PPP2CB: variants seen among roughly 807,000 people sequenced by gnomAD.
The protein encoded by PPP2CB is protein phosphatase 2 catalytic subunit beta.
A neutral mutation model predicts 39.1 loss-of-function variants in PPP2CB; 18 were observed. That is an observed-to-expected ratio of 0.46 (90% confidence interval 0.32 to 0.68). PPP2CB has a LOEUF of 0.68. PPP2CB is among the 30% of genes least tolerant of loss of function. The pLI is 0.04. For missense variants in PPP2CB, 226 were observed against 396.9 expected, an observed-to-expected ratio of 0.57 and a Z score of 3.66; for synonymous variants, 129 against 133.8, an observed-to-expected ratio of 0.96 and a Z score of 0.25.
At chr8:30,802,979 C>A (rs752261349) in intron 1 of PPP2CB, among the ~76,000 whole-genome samples, 27 of 152,110 alleles carry the variant, frequency 1.8e-4, no homozygotes, top group Non-Finnish European at 3.5e-4. Flanking sequence ...CTTAGCAACA[C>A]GCAGAAACTT....
chr8:30,791,890 A>G (rs558987524), intron 5 of PPP2CB, among the ~76,000 whole-genome samples: 5 of 151,430 alleles, frequency 3.3e-5, no homozygotes, highest in African/African-American at 1.2e-4. Flanking sequence ...ATATATGTAT[A>G]CATGTGTATA....
Position 30,812,463 on chromosome 8 carries a change from C to A in PPP2CB, c.-42G>T. 7.2e-7 allele frequency: 1 copy of A among 1,397,580 alleles called. No homozygotes were observed. Among genetic ancestry groups the A allele is most frequent in the Non-Finnish European group, 9.5e-7 (1 of 1,053,204 alleles). The allele number at this position is 1,397,580 out of a possible 1,614,324, so 86.6% of individuals were successfully genotyped here. On this transcript the variant is annotated 5_prime_UTR_variant, in exon 1 of 7. Coordinates refer to ENST00000221138, the MANE Select transcript of PPP2CB (RefSeq NM_001009552.2). ...TGCGGATCCCGAGCCCCAGCCCGGC[C>A]GCCGCCCTCCCCCCTCCCCACCCGC...
intron 1 of PPP2CB, among the ~76,000 whole-genome samples, chr8:30,807,969 C>A (rs781390249): frequency 6.6e-6 from 1 of 152,216 alleles, no homozygotes. Flanking sequence ...GGAAGCCAGA[C>A]ACACCATACC....
chr8:30,803,655 G>A (rs1363296406), intron 1 of PPP2CB, among the ~76,000 whole-genome samples: 2 of 151,918 alleles, frequency 1.3e-5, no homozygotes, highest in African/African-American at 2.4e-5. Flanking sequence ...TCTCATGTGC[G>A]CTTAAAGTTT....
rs1337010499 is a variant in PPP2CB, at chr8:30,812,780, G to C, written c.-359C>G. 2.1e-6 allele frequency: 1 copy of C among 466,206 alleles called. No individual in the cohort carries two copies. Among genetic ancestry groups the C allele is most frequent in the Non-Finnish European group, 4.3e-6 (1 of 233,346 alleles). 28.9% of individuals were successfully genotyped at this position (466,206 alleles called of 1,614,324 possible). ...CGCTGCCGCTTCAGGCCCGCCTCAC[G>C]CCTACCGGCCTCTCCCGACTTGTCT... On this transcript the variant is annotated 5_prime_UTR_variant, in exon 1 of 7. Coordinates refer to ENST00000221138, the MANE Select transcript of PPP2CB (RefSeq NM_001009552.2).
chr8:30,790,866 G>A (rs1586120886), intron 6 of PPP2CB: 1 of 211,866 alleles, frequency 4.7e-6, no homozygotes, highest in East Asian at 1.5e-4. Flanking sequence ...CCAGCGTAGA[G>A]CGCCTGTAGT....
intron 1 of PPP2CB, among the ~76,000 whole-genome samples, chr8:30,800,440 TTG>T (rs1304990687): frequency 3.3e-5 from 5 of 152,258 alleles, no homozygotes; most frequent in Non-Finnish European, 7.3e-5. Flanking sequence ...ATGCAAATTC[TTG>T]TGTGAACAAA....
intron 3 of PPP2CB, among the ~76,000 whole-genome samples, chr8:30,794,912 T>C (rs1163306709): frequency 6.6e-6 from 1 of 152,230 alleles, no homozygotes; most frequent in Non-Finnish European, 1.5e-5. Context: ...TTTGCAAAAC[T>C]ATTTTTGTTT....
chr8:30,794,102 G>A, intron 4 of PPP2CB, 24 bp from the exon 5 acceptor site: 1 of 1,602,366 alleles, frequency 6.2e-7, no homozygotes, highest in Non-Finnish European at 8.5e-7. Flanking sequence ...ATAAGTACAT[G>A]TTACAAATTA....
rs1181606472 is a variant in PPP2CB at position 30,812,483 on chromosome 8, ACCCGCC to A, written c.-68_-63del. 9.1e-6 allele frequency: 8 copies of A among 876,934 alleles called. No homozygotes were observed. The highest frequency in any genetic ancestry group is 3.9e-5 in the Admixed American group (1 of 25,678). 54.3% of individuals were successfully genotyped at this position (876,934 alleles called of 1,614,324 possible). ...CCGGCCGCCGCCCTCCCCCCTCCCCACCCGCCCCCGGCCCCGGCCCGGGCGCCGCTC... is the reference window on the plus strand; with the variant it reads ...CCGGCCGCCGCCCTCCCCCCTCCCCACCCGGCCCCGGCCCGGGCGCCGCTC... On this transcript the variant is annotated 5_prime_UTR_variant, in exon 1 of 7. Transcript: ENST00000221138.
At chr8:30,793,856 C>A in intron 5 of PPP2CB, 61 bp downstream of exon 5, 3 of 1,477,600 alleles carry the variant, frequency 2.0e-6, no homozygotes, top group South Asian at 1.4e-5. Context: ...AGTCATAATG[C>A]CTTATTACAG....
rs146351837 is a variant in PPP2CB, at chr8:30,803,300, T to C, written c.103-3545A>G. ...GCTCACACCTGTAATCCCAGCACTT[T>C]TGGAGGCCGAGGCAGAAGGATCACT... On this transcript the variant is annotated intron_variant, in intron 1 of 6. Transcript: ENST00000221138. Among the ~76,000 whole-genome samples, 1,305 of 152,104 alleles carry C rather than the reference T, an allele frequency of 8.6e-3. 17 individuals carry two copies. The highest frequency in any genetic ancestry group is 0.03 in the African/African-American group (1,241 of 41,482).
intron 1 of PPP2CB, among the ~76,000 whole-genome samples, chr8:30,808,922 CTTTTTTT>C (rs34287210): frequency 2.6e-5 from 3 of 116,768 alleles, no homozygotes; most frequent in East Asian, 2.2e-4. Flanking sequence ...TTTACATGGC[CTTTTTTT>C]TTTTTTTTTT....
At chr8:30,804,410 A>C (rs994328349) in intron 1 of PPP2CB, among the ~76,000 whole-genome samples, 2 of 152,150 alleles carry the variant, frequency 1.3e-5, no homozygotes, top group African/African-American at 4.8e-5. Flanking sequence ...GACCATTAAC[A>C]ATGTGACTCA....
At chr8:30,798,008 T>C (rs548970503) in intron 2 of PPP2CB, among the ~76,000 whole-genome samples, 12 of 152,342 alleles carry the variant, frequency 7.9e-5, no homozygotes, top group South Asian at 6.2e-4. Flanking sequence ...CTAATACTTA[T>C]ATTACTATAA....
intron 6 of PPP2CB, among the ~76,000 whole-genome samples, chr8:30,790,048 T>C (rs1181012554): frequency 2.0e-5 from 3 of 152,250 alleles, no homozygotes; most frequent in East Asian, 1.9e-4. Flanking sequence ...CCCATTCGAA[T>C]TGGATTTAGG....
intron 1 of PPP2CB, among the ~76,000 whole-genome samples, chr8:30,805,145 CTT>C (rs1032705940): frequency 2.0e-5 from 3 of 152,228 alleles, no homozygotes; most frequent in African/African-American, 7.2e-5. Flanking sequence ...ACAAGCGCCT[CTT>C]TTGCTACTCA....
At chr8:30,787,872 T>C (rs1806369650) in intron 6 of PPP2CB, among the ~76,000 whole-genome samples, 1 of 152,236 alleles carries the variant, frequency 6.6e-6, no homozygotes, top group African/African-American at 2.4e-5. Flanking sequence ...TGGCTCAATA[T>C]TTTCACATTT....
intron 6 of PPP2CB, among the ~76,000 whole-genome samples, chr8:30,789,814 T>A (rs1025841461): frequency 1.3e-5 from 2 of 152,180 alleles, no homozygotes; most frequent in Non-Finnish European, 2.9e-5. Flanking sequence ...ACTGTATAGC[T>A]TATACAACGG....
Sources: allele counts gnomAD v4.1 joint callset (sites outside exome capture counted in the v4.1 genomes callset), GRCh38; gene constraint gnomAD v4.1.1; transcripts MANE v1.5; gene names NCBI Gene and HGNC (gene_info 2026-07-23, HGNC 2026-07-21).